PALM2AKAP2: variants seen among roughly 807,000 people sequenced by gnomAD.
The protein encoded by PALM2AKAP2 is PALM2 and AKAP2 fusion, also known as PALM2-AKAP2 fusion protein.
In PALM2AKAP2, 37 loss-of-function variants were observed where a neutral mutation model predicts 71.5. The ratio of observed to expected loss-of-function variants is 0.52; its 90% confidence interval spans 0.40 to 0.68. The LOEUF is 0.68. Among genes scored for constraint, PALM2AKAP2 ranks in the 30% least tolerant of loss-of-function variants. PALM2AKAP2 has a pLI of 0.00. For synonymous variants in PALM2AKAP2, 468 were observed against 478.8 expected (o/e 0.98, Z 0.29); for missense variants, 1,224 against 1,191.8 (o/e 1.03, Z -0.40).
At chr9:110,096,106 T>C (rs1834829597) in intron 1 of PALM2AKAP2, among the ~76,000 whole-genome samples, 1 of 152,202 alleles carries the variant, frequency 6.6e-6, no homozygotes, top group African/African-American at 2.4e-5. Flanking sequence ...ACCAATTTAT[T>C]ATTACTGTTC....
chr9:110,038,295 A>C (rs1468843960), intron 7 of PALM2AKAP2, among the ~76,000 whole-genome samples: 1 of 151,940 alleles, frequency 6.6e-6, no homozygotes, highest in Non-Finnish European at 1.5e-5. Context: ...ATACCATTGC[A>C]CTCCAGCCTG....
chr9:110,054,166 G>A lies in PALM2AKAP2; in HGVS notation c.156+5311G>A, dbSNP rs147154432. 4.8e-3 allele frequency among the ~76,000 whole-genome samples: 726 copies of A among 152,320 alleles called. 4 individuals carry two copies. Among genetic ancestry groups the A allele is most frequent in the African/African-American group, 0.016 (675 of 41,574 alleles). On this transcript the variant is annotated intron_variant, in intron 1 of 3. Coordinates refer to ENST00000374525, the Ensembl canonical transcript of PALM2AKAP2. ...TATAATCCCAGCACTTTGGGAGGCC[G>A]AGGTGGGTGAATCACCTGAGGTCGG...
intron 1 of PALM2AKAP2, among the ~76,000 whole-genome samples, chr9:109,764,034 T>G (rs1002811746): frequency 1.3e-5 from 2 of 152,142 alleles, no homozygotes; most frequent in African/African-American, 4.8e-5. Context: ...GGACAGATCT[T>G]TTGGACAGCC....
intron 1 of PALM2AKAP2, among the ~76,000 whole-genome samples, chr9:109,725,284 A>G (rs1828459976): frequency 6.6e-6 from 1 of 152,162 alleles, no homozygotes; most frequent in African/African-American, 2.4e-5. Flanking sequence ...TTTGTTCATC[A>G]TGGACTTTTC....
chr9:109,690,786 G>C (rs1236070657), intron 1 of PALM2AKAP2, among the ~76,000 whole-genome samples: 1 of 152,114 alleles, frequency 6.6e-6, no homozygotes, highest in African/African-American at 2.4e-5. Context: ...TTGGGAACTG[G>C]TTATTAAGTT....
chr9:110,168,657 C>T lies in PALM2AKAP2; in HGVS notation c.*160C>T, dbSNP rs57519731. The stretch of plus-strand genomic sequence containing the variant: ...GCAATATACAATGATGAAAATGAAA[C>T]GAAAAGGAAGTCCCCCCATCAGACT... On this transcript the variant is annotated 3_prime_UTR_variant, in exon 4 of 4. Coordinates refer to ENST00000374525, the Ensembl canonical transcript of PALM2AKAP2. The T allele has an allele frequency of 7.0e-4, 632 of 900,856 alleles. 1 individual carries two copies. The highest frequency in any genetic ancestry group is 3.0e-3 in the African/African-American group (176 of 58,152). The allele number at this position is 900,856 out of a possible 1,614,324, so 55.8% of individuals were successfully genotyped here.
chr9:110,124,800 G>A (rs1159600959), intron 1 of PALM2AKAP2, among the ~76,000 whole-genome samples: 2 of 152,050 alleles, frequency 1.3e-5, no homozygotes, highest in East Asian at 1.9e-4. Flanking sequence ...ACTTTGGCAT[G>A]GACTATAATG....
rs1227633262 is a variant in PALM2AKAP2, at chr9:110,014,823, T to C, written c.497-1131T>C. Among the ~76,000 whole-genome samples the C allele has an allele frequency of 3.4e-4, 31 of 91,268 alleles. 1 individual carries two copies. Among genetic ancestry groups the C allele is most frequent in the African/African-American group, 1.2e-3 (31 of 26,948 alleles). 59.9% of individuals were successfully genotyped at this position (91,268 alleles called of 152,430 possible). A position where few individuals can be genotyped will look rare whatever the true frequency, so the allele number is the denominator to read the frequency against. On this transcript the variant is annotated intron_variant, in intron 6 of 9. Transcript: ENST00000302798. Reference sequence around the variant, plus strand: ...AAAAAAATGTATATATATATATATATATATATATATATATATATATATATA... The same window carrying C: ...AAAAAAATGTATATATATATATATACATATATATATATATATATATATATA...
chr9:109,733,419 G>A (rs1284700137), intron 1 of PALM2AKAP2, among the ~76,000 whole-genome samples: 1 of 152,188 alleles, frequency 6.6e-6, no homozygotes, highest in East Asian at 1.9e-4. Context: ...TGGTGAGTGG[G>A]AGGAAGTGTT....
intron 2 of PALM2AKAP2, among the ~76,000 whole-genome samples, chr9:109,872,933 A>C (rs1308308268): frequency 6.6e-6 from 1 of 152,204 alleles, no homozygotes; most frequent in Non-Finnish European, 1.5e-5. Context: ...GCTTGAATGG[A>C]AGTTAAAACC....
chr9:110,023,305 C>CTTTTTTTTTTTTTTTTTTTTTTTTT lies in PALM2AKAP2; in HGVS notation c.582+7268_582+7292dup, dbSNP rs149672913. Among the ~76,000 whole-genome samples the CTTTTTTTTTTTTTTTTTTTTTTTTT allele has an allele frequency of 9.5e-5, 7 of 74,038 alleles. 3 individuals are homozygous for CTTTTTTTTTTTTTTTTTTTTTTTTT. Among genetic ancestry groups the CTTTTTTTTTTTTTTTTTTTTTTTTT allele is most frequent in the African/African-American group, 3.1e-4 (5 of 16,168 alleles). 48.6% of individuals were successfully genotyped at this position (74,038 alleles called of 152,430 possible). A position where few individuals can be genotyped will look rare whatever the true frequency, so the allele number is the denominator to read the frequency against. On this transcript the variant is annotated intron_variant, in intron 7 of 9. Coordinates refer to the PALM2AKAP2 transcript ENST00000302798. ...GTGAGATGGTATCTCATTGTGGTTT[C>CTTTTTTTTTTTTTTTTTTTTTTTTT]TTTTTTTTTTTTTTTTTTTTTTTTT...
intron 1 of PALM2AKAP2, among the ~76,000 whole-genome samples, chr9:109,761,432 T>A (rs1329618562): frequency 6.6e-6 from 1 of 152,220 alleles, no homozygotes; most frequent in Non-Finnish European, 1.5e-5. Context: ...CAGGTGTACA[T>A]GTGCCATGGT....
In PALM2AKAP2 at chr9:110,100,054, TA is replaced by T. The variant is rs1464652930; in HGVS notation, c.157-36072del. On this transcript the variant is annotated intron_variant, in intron 1 of 3. Transcript: ENST00000374525. ...ATATATGCATATGTATGTGTGTCTA[TA>T]TATATATATATATATATATATATAT... Among the ~76,000 whole-genome samples the T allele has an allele frequency of 4.7e-3, 498 of 106,516 alleles. 10 individuals carry two copies. Among genetic ancestry groups the T allele is most frequent in the African/African-American group, 0.029 (469 of 15,900 alleles). The allele number at this position is 106,516 out of a possible 152,430, so 69.9% of individuals were successfully genotyped here. A position where few individuals can be genotyped will look rare whatever the true frequency, so the allele number is the denominator to read the frequency against.
intron 6 of PALM2AKAP2, among the ~76,000 whole-genome samples, chr9:109,979,078 C>G (rs942478315): frequency 1.6e-4 from 24 of 151,930 alleles, no homozygotes; most frequent in Admixed American, 2.6e-4. Context: ...CAACCTCCTC[C>G]GCCTCCCTGT....
exon 2 of PALM2AKAP2, chr9:110,136,538 GAACCCA>G (rs1285283912): frequency 6.2e-7 from 1 of 1,613,468 alleles, no homozygotes; most frequent in South Asian, 1.1e-5. Context: ...GACCCAGCCA[GAACCCA>G]CTGAAAGAAC....
At chr9:110,136,468 C>T (rs1362115012) in exon 2 of PALM2AKAP2, 4 of 1,614,092 alleles carry the variant, frequency 2.5e-6, no homozygotes, top group Non-Finnish European at 3.4e-6. Flanking sequence ...ATGGAACATC[C>T]TCCCCAGAGC....
intron 1 of PALM2AKAP2, among the ~76,000 whole-genome samples, chr9:109,706,496 A>G (rs1029251175): frequency 6.6e-6 from 1 of 152,140 alleles, no homozygotes; most frequent in African/African-American, 2.4e-5. Flanking sequence ...AAAAAGTTTG[A>G]CTCTTTCACA....
At chr9:110,151,349 C>CT (rs927970308) in intron 2 of PALM2AKAP2, among the ~76,000 whole-genome samples, 8 of 152,170 alleles carry the variant, frequency 5.3e-5, no homozygotes, top group Non-Finnish European at 7.3e-5. Flanking sequence ...CTGCACCTGG[C>CT]TTTTTTTCTT....
In PALM2AKAP2 at chr9:110,043,325, G is replaced by C. The variant is rs186467755; in HGVS notation, c.582+27286G>C. Among the ~76,000 whole-genome samples, 321 of 152,272 alleles carry C rather than the reference G, an allele frequency of 2.1e-3. 3 individuals are homozygous for C. Among genetic ancestry groups the C allele is most frequent in the African/African-American group, 7.2e-3 (300 of 41,540 alleles). On this transcript the variant is annotated intron_variant, in intron 7 of 9. Coordinates refer to the PALM2AKAP2 transcript ENST00000302798. ...AATATTTTCTTTTGGCCCTCTCTGT[G>C]ATCTGGAATTTCTTGTTTACTGACT...
Sources: gnomAD v4.1 joint callset for allele counts (sites outside exome capture counted in the v4.1 genomes callset) on GRCh38, gnomAD v4.1.1 for gene constraint, MANE v1.5 for transcripts, NCBI Gene and HGNC (gene_info 2026-07-23, HGNC 2026-07-21) for gene names.